Variants in RAPGEF4 observed in about 807,000 individuals in gnomAD.
The protein encoded by RAPGEF4 is Rap guanine nucleotide exchange factor 4.
RAPGEF4 carries 66 observed loss-of-function variants against 147.9 expected under a neutral mutation model. The ratio of observed to expected loss-of-function variants is 0.45; its 90% CI spans 0.37 to 0.55. The LOEUF is 0.55. RAPGEF4 is among the 20% of genes least tolerant of loss of function. The pLI is 0.00. For missense variants in RAPGEF4, 1,071 were observed against 1,257.3 expected (o/e 0.85, Z 2.24); for synonymous variants, 419 against 442.7 (o/e 0.95, Z 0.67).
chr2:172,931,414 G>C (rs1285989456), intron 6 of RAPGEF4, among the ~76,000 whole-genome samples: 1 of 152,146 alleles, frequency 6.6e-6, no homozygotes, highest in Non-Finnish European at 1.5e-5. Context: ...CCTTAGAGAG[G>C]TGCTCTTGCT....
At position 173,051,201 on chromosome 2, in the gene RAPGEF4, G is replaced by C. The variant is rs1319547594; in HGVS notation, c.2909-439G>C. Among the ~76,000 whole-genome samples the C allele has an allele frequency of 3.3e-5, 5 of 152,218 alleles. No individual in the cohort carries two copies. The East Asian group carries it at 9.6e-4, about 29-fold the overall frequency. On this transcript the variant is annotated intron_variant, in intron 30 of 30. Coordinates refer to ENST00000397081, the MANE Select transcript of RAPGEF4 (RefSeq NM_007023.4). ...TCTGTAGTCTCACTGGCTTGCTTCAGTTTGGCCCAGATGTTAAGCGCTTTT... is the reference window on the plus strand; with the variant it reads ...TCTGTAGTCTCACTGGCTTGCTTCACTTTGGCCCAGATGTTAAGCGCTTTT...
intron 9 of RAPGEF4, among the ~76,000 whole-genome samples, chr2:172,966,168 T>C (rs1269457551): frequency 6.6e-6 from 1 of 152,240 alleles, no homozygotes; most frequent in Non-Finnish European, 1.5e-5. Flanking sequence ...AAGAATGTGC[T>C]CTGCAATTGT....
intron 16 of RAPGEF4, among the ~76,000 whole-genome samples, chr2:172,999,989 T>G (rs3820844): frequency 0.31 from 46,565 of 152,018 alleles, 7,258 homozygotes; most frequent in Non-Finnish European, 0.34. Context: ...CTACTGGATA[T>G]TACAGCCTCC....
intron 17 of RAPGEF4, among the ~76,000 whole-genome samples, chr2:173,006,956 A>G (rs1307046746): frequency 1.3e-5 from 2 of 152,210 alleles, no homozygotes; most frequent in Admixed American, 1.3e-4. Flanking sequence ...CATGAGGAAG[A>G]CTTTGTTTGG....
intron 6 of RAPGEF4, among the ~76,000 whole-genome samples, chr2:172,944,461 A>G (rs1345632680): frequency 6.6e-6 from 1 of 152,204 alleles, no homozygotes; most frequent in Admixed American, 6.5e-5. Flanking sequence ...GCAAGTGCCC[A>G]GGGTGAGCCT....
chr2:172,780,142 T>C (rs1327259145), intron 1 of RAPGEF4, among the ~76,000 whole-genome samples: 1 of 151,958 alleles, frequency 6.6e-6, no homozygotes, highest in Non-Finnish European at 1.5e-5. Flanking sequence ...CTGGGGCCCC[T>C]GTAGCAAAAG....
chr2:172,780,578 C>T (rs1684590632), intron 1 of RAPGEF4, among the ~76,000 whole-genome samples: 1 of 151,804 alleles, frequency 6.6e-6, no homozygotes, highest in Non-Finnish European at 1.5e-5. Context: ...GGGCAGAGAG[C>T]TTTTTTTTGG....
intron 14 of RAPGEF4, among the ~76,000 whole-genome samples, chr2:172,989,879 C>T (rs531319718): frequency 2.6e-4 from 40 of 152,198 alleles, no homozygotes; most frequent in Non-Finnish European, 3.8e-4. Context: ...GGTATATTCC[C>T]GTTACTTAAT....
chr2:172,798,650 T>TTTTTTTTTTTTTTTTTTTTTTTG (rs1440840943), intron 3 of RAPGEF4, among the ~76,000 whole-genome samples: 2 of 152,070 alleles, frequency 1.3e-5, no homozygotes, highest in African/African-American at 4.8e-5. Context: ...GGCTTTTTCA[T>TTTTTTTTTTTTTTTTTTTTTTTG]AGGTAGCACA....
intron 4 of RAPGEF4, among the ~76,000 whole-genome samples, chr2:172,857,469 G>A (rs750429250): frequency 3.3e-5 from 5 of 152,178 alleles, no homozygotes; most frequent in East Asian, 1.9e-4. Context: ...TATTTGAGAC[G>A]CGAGTTTATA....
intron 1 of RAPGEF4, among the ~76,000 whole-genome samples, chr2:172,751,419 G>A (rs1695280928): frequency 6.6e-6 from 1 of 152,246 alleles, no homozygotes; most frequent in East Asian, 1.9e-4. Flanking sequence ...GGAATACAGT[G>A]GTGATAGAAT....
At chr2:172,917,950 T>C in intron 5 of RAPGEF4, 76 bp downstream of exon 5, 1 of 1,216,132 alleles carries the variant, frequency 8.2e-7, no homozygotes, top group East Asian at 2.3e-5. Flanking sequence ...AAAAAATATG[T>C]CCTACACCAG....
intron 4 of RAPGEF4, among the ~76,000 whole-genome samples, chr2:172,841,966 A>G (rs1413403715): frequency 1.3e-5 from 2 of 152,170 alleles, no homozygotes; most frequent in Non-Finnish European, 2.9e-5. Flanking sequence ...TCATTCTCCT[A>G]TTATATTTTC....
At chr2:173,047,015 A>G (rs1295955180) in intron 29 of RAPGEF4, among the ~76,000 whole-genome samples, 1 of 152,224 alleles carries the variant, frequency 6.6e-6, no homozygotes. Context: ...AGGGTTGACT[A>G]GAATTACATA....
Position 172,860,095 on chromosome 2 carries a change from C to T in RAPGEF4, c.444+45670C>T, listed in dbSNP as rs1693857117. 14 of 985,050 alleles carry T rather than the reference C, an allele frequency of 1.4e-5. No individual in the cohort carries two copies. In the South Asian group the frequency reaches 4.7e-4, roughly 33 times the overall value. 61.0% of individuals were successfully genotyped at this position (985,050 alleles called of 1,614,324 possible). ...CGGCTAAAGAAAGGTAGGATGCATA[C>T]GCAGAAACATTAGTGCTAATATGCT... On this transcript the variant is annotated intron_variant, in intron 4 of 30. Transcript: ENST00000397081.
At chr2:173,028,197 G>A (rs1336092835) in intron 25 of RAPGEF4, among the ~76,000 whole-genome samples, 2 of 152,234 alleles carry the variant, frequency 1.3e-5, no homozygotes, top group Non-Finnish European at 2.9e-5. Flanking sequence ...GGATTCAAAA[G>A]CTGCTATCTG....
intron 17 of RAPGEF4, 39 bp from the exon 18 acceptor site, chr2:173,014,414 ATGTGAAATGAG>A: frequency 6.2e-7 from 1 of 1,608,486 alleles, no homozygotes; most frequent in South Asian, 1.1e-5. Context: ...TGAAAGTAGC[ATGTGAAATGAG>A]TGTGAAATGG....
intron 1 of RAPGEF4, among the ~76,000 whole-genome samples, chr2:172,782,716 G>A (rs1238900418): frequency 2.6e-5 from 4 of 152,220 alleles, no homozygotes; most frequent in Non-Finnish European, 5.9e-5. Context: ...GGTTATCTGA[G>A]TCATCCCAGA....
intron 4 of RAPGEF4, chr2:172,859,950 C>T (rs867062541): frequency 2.3e-6 from 2 of 856,850 alleles, no homozygotes; most frequent in South Asian, 1.1e-4. Context: ...CAGTGGAATC[C>T]TTGTCCGGGA....
Sources: allele counts gnomAD v4.1 joint callset (sites outside exome capture counted in the v4.1 genomes callset), GRCh38; gene constraint gnomAD v4.1.1; transcripts MANE v1.5; gene names NCBI Gene and HGNC (gene_info 2026-07-23, HGNC 2026-07-21).